PGAP1: variants seen among roughly 807,000 people sequenced by gnomAD.
The protein encoded by PGAP1 is GPI inositol-deacylase.
A neutral mutation model predicts 127.0 loss-of-function variants in PGAP1; 76 were observed. The ratio of observed to expected loss-of-function variants is 0.60; its 90% confidence interval spans 0.50 to 0.72. The LOEUF (loss-of-function observed/expected upper bound fraction) is 0.72, where lower values mean the gene tolerates loss of function less well. Ranked by LOEUF, PGAP1 falls within the 30% of genes least tolerant of loss-of-function variation. The pLI, the probability that PGAP1 is intolerant of heterozygous loss-of-function variation, is 0.00. For missense variants in PGAP1, 982 were observed against 1,071.3 expected, an observed-to-expected ratio of 0.92 and a Z score of 1.16; for synonymous variants, 362 against 366.5, an observed-to-expected ratio of 0.99 and a Z score of 0.14.
chr2:196,844,992 T>C (rs752161392), intron 23 of PGAP1, among the ~76,000 whole-genome samples: 60 of 152,042 alleles, frequency 3.9e-4, no homozygotes, highest in Non-Finnish European at 1.6e-4. Context: ...ATTTTAAGTC[T>C]TTGAAAACCA....
intron 9 of PGAP1, among the ~76,000 whole-genome samples, chr2:196,891,461 G>C (rs147596206): frequency 6.6e-6 from 1 of 152,200 alleles, no homozygotes; most frequent in East Asian, 1.9e-4. Flanking sequence ...GGTTTGCACT[G>C]ACCAAATATG....
chr2:196,843,997 C>T lies in PGAP1; in HGVS notation c.2416G>A (p.Ala806Thr), dbSNP rs780504427. ...DSSIHHLRLSANDAEDSLRMH... is the reference protein window; with the variant it reads ...DSSIHHLRLSTNDAEDSLRMH... ...CGAAGGCTATCTTCAGCATCGTTGG[C>T]AGATAAACGAAGATGGTGTATTGAG... The change falls in exon 25 of 27, where the codon GCC (alanine) becomes ACC (threonine). Residue 806 changes from alanine to threonine, a missense_variant. Transcript: ENST00000354764. 6 of 1,607,632 alleles carry T rather than the reference C, an allele frequency of 3.7e-6. No individual in the cohort carries two copies. In the East Asian group the frequency reaches 1.1e-4, roughly 30 times the overall value.
intron 12 of PGAP1, among the ~76,000 whole-genome samples, chr2:196,882,636 A>G (rs983210432): frequency 7.2e-5 from 11 of 151,884 alleles, no homozygotes; most frequent in Admixed American, 1.3e-4. Flanking sequence ...TACATTCCTG[A>G]TTTGGCTCTT....
intron 20 of PGAP1, among the ~76,000 whole-genome samples, chr2:196,861,309 A>C (rs1232014396): frequency 6.6e-6 from 1 of 152,238 alleles, no homozygotes; most frequent in Non-Finnish European, 1.5e-5. Context: ...CACATACAAT[A>C]AAAGCAAAAT....
intron 20 of PGAP1, among the ~76,000 whole-genome samples, chr2:196,860,407 G>A (rs1010074313): frequency 5.3e-5 from 8 of 152,026 alleles, no homozygotes; most frequent in African/African-American, 1.9e-4. Context: ...GGTGCCACAC[G>A]GCTGTAATCC....
Position 196,845,980 on chromosome 2 carries a change from G to A in PGAP1, c.2188C>T (p.Pro730Ser). ...ELPKDIKMIS[P>S]DLPFLTIVLI... ...ACAATTGTCAAAAAGGGCAAGTCTGGTGATATCATCTTGATATCTTTAGGA... is the reference window on the plus strand; with the variant it reads ...ACAATTGTCAAAAAGGGCAAGTCTGATGATATCATCTTGATATCTTTAGGA... The change falls in exon 23 of 27, where the codon CCA becomes TCA. Residue 730 changes from proline to serine, a missense_variant. Transcript: ENST00000354764. The A allele has an allele frequency of 6.2e-7, 1 of 1,603,182 alleles. No individual in the cohort carries two copies. The highest frequency in any genetic ancestry group is 8.5e-7 in the Non-Finnish European group (1 of 1,172,576).
chr2:196,865,118 T>TA, intron 19 of PGAP1, 38 bp from the exon 20 acceptor site: 1 of 1,124,410 alleles, frequency 8.9e-7, no homozygotes, highest in African/African-American at 1.6e-5. Context: ...CTCCTGAATA[T>TA]TCATGTTAAT....
chr2:196,857,569 C>A (rs1248131694), intron 20 of PGAP1, among the ~76,000 whole-genome samples: 10 of 152,112 alleles, frequency 6.6e-5, no homozygotes, highest in Admixed American at 6.5e-4. Context: ...GGAGAAATAT[C>A]TTAATCAAAA....
chr2:196,851,718 TG>T (rs1301510713), intron 20 of PGAP1, among the ~76,000 whole-genome samples: 5 of 152,154 alleles, frequency 3.3e-5, no homozygotes, highest in African/African-American at 4.8e-5. Flanking sequence ...GCACACCTTT[TG>T]TCAGGCCAAG....
chr2:196,858,982 C>T (rs1465194594), intron 20 of PGAP1, among the ~76,000 whole-genome samples: 1 of 151,974 alleles, frequency 6.6e-6, no homozygotes, highest in Non-Finnish European at 1.5e-5. Flanking sequence ...ACACATCCAG[C>T]CTACCAAGGT....
chr2:196,883,662 G>A (rs1349427684), intron 12 of PGAP1, among the ~76,000 whole-genome samples: 1 of 152,140 alleles, frequency 6.6e-6, no homozygotes, highest in East Asian at 1.9e-4. Context: ...TTTATTAAAA[G>A]TTCAGTCCAC....
At chr2:196,912,835 A>C in intron 4 of PGAP1, 47 bp downstream of exon 4, 2 of 1,485,734 alleles carry the variant, frequency 1.3e-6, no homozygotes, top group South Asian at 2.8e-5. Flanking sequence ...GATTTATTTA[A>C]TCTTAAATAA....
At chr2:196,903,592 A>T (rs1179250183) in intron 4 of PGAP1, among the ~76,000 whole-genome samples, 1 of 151,154 alleles carries the variant, frequency 6.6e-6, no homozygotes, top group Non-Finnish European at 1.5e-5. Flanking sequence ...GAAAAGAAAA[A>T]GGCTTAGCAA....
At chr2:196,854,486 T>C (rs1700815858) in intron 20 of PGAP1, among the ~76,000 whole-genome samples, 1 of 152,232 alleles carries the variant, frequency 6.6e-6, no homozygotes. Flanking sequence ...GTTATATTTG[T>C]ATGGATATGT....
At position 196,875,789 on chromosome 2, in the gene PGAP1, CTCT is replaced by C; in HGVS notation, c.1380_1382del (p.Glu461del). ...TTACAGGAAGCTGTATGTATCTTTTCTCTTTTTTAAAGAATTCACAATCTACAA... is the reference window on the plus strand; with the variant it reads ...TTACAGGAAGCTGTATGTATCTTTTCTTTTTAAAGAATTCACAATCTACAA... On this transcript the variant is annotated inframe_deletion, in exon 14 of 27. Coordinates refer to ENST00000354764, the MANE Select transcript of PGAP1 (RefSeq NM_024989.4). The C allele has an allele frequency of 2.0e-6, 3 of 1,537,694 alleles. No homozygotes were observed. The highest frequency in any genetic ancestry group is 2.7e-6 in the Non-Finnish European group (3 of 1,115,560).
At chr2:196,901,817 G>C (rs937329526) in intron 5 of PGAP1, among the ~76,000 whole-genome samples, 1 of 152,104 alleles carries the variant, frequency 6.6e-6, no homozygotes, top group Non-Finnish European at 1.5e-5. Flanking sequence ...TTAACATTCA[G>C]AAGTATGTGA....
intron 14 of PGAP1, 118 bp downstream of exon 14, chr2:196,875,628 A>G (rs775712836): frequency 3.9e-5 from 25 of 644,446 alleles, no homozygotes; most frequent in Non-Finnish European, 6.2e-5. Context: ...CACATCATAT[A>G]GTTATTCTAA....
chr2:196,925,872 A>G (rs1241098189), intron 1 of PGAP1, among the ~76,000 whole-genome samples: 1 of 152,130 alleles, frequency 6.6e-6, no homozygotes, highest in Non-Finnish European at 1.5e-5. Context: ...CTAGTTTCCA[A>G]TTCAATGACT....
chr2:196,847,915 T>C, intron 21 of PGAP1, 32 bp downstream of exon 21: 4 of 1,413,182 alleles, frequency 2.8e-6, no homozygotes, highest in East Asian at 4.9e-5. Context: ...TAAAACACAA[T>C]TAAAATCATT....
Sources: allele counts gnomAD v4.1 joint callset (sites outside exome capture counted in the v4.1 genomes callset), GRCh38; gene constraint gnomAD v4.1.1; transcripts MANE v1.5; gene names NCBI Gene and HGNC (gene_info 2026-07-23, HGNC 2026-07-21).